APAF1: variants seen among roughly 807,000 people sequenced by gnomAD.
APAF1 encodes apoptotic peptidase activating factor 1.
In APAF1, 91 loss-of-function variants were observed where a neutral mutation model predicts 152.4. The ratio of observed to expected loss-of-function variants is 0.60; its 90% CI spans 0.50 to 0.71. The LOEUF (loss-of-function observed/expected upper bound fraction) is 0.71, where lower values mean the gene tolerates loss of function less well. Among genes scored for constraint, APAF1 ranks in the 30% least tolerant of loss-of-function variants. The pLI, the probability that APAF1 is intolerant of heterozygous loss-of-function variation, is 0.00. For missense variants in APAF1, 1,283 were observed against 1,472.0 expected (o/e 0.87, Z 2.10); for synonymous variants, 484 against 494.1 (o/e 0.98, Z 0.27).
At chr12:98,676,710 G>A (rs1399233237) in intron 12 of APAF1, among the ~76,000 whole-genome samples, 4 of 149,720 alleles carry the variant, frequency 2.7e-5, no homozygotes, top group African/African-American at 7.4e-5. Flanking sequence ...GCAGTGGCGC[G>A]ATCTTGGCTC....
At chr12:98,727,984 ATT>A (rs1565897354) in intron 26 of APAF1, among the ~76,000 whole-genome samples, 15 of 149,730 alleles carry the variant, frequency 1.0e-4, no homozygotes, top group Non-Finnish European at 1.0e-4. Context: ...TAATTAATTA[ATT>A]AAAAAAATAA....
chr12:98,717,367 C>G (rs2097736034), intron 22 of APAF1, among the ~76,000 whole-genome samples: 1 of 151,100 alleles, frequency 6.6e-6, no homozygotes, highest in African/African-American at 2.4e-5. Flanking sequence ...CACACACACA[C>G]ATATAATTTT....
intron 26 of APAF1, among the ~76,000 whole-genome samples, chr12:98,729,590 C>T (rs756501180): frequency 6.6e-6 from 1 of 152,206 alleles, no homozygotes; most frequent in Non-Finnish European, 1.5e-5. Flanking sequence ...GGGGACTCCT[C>T]TATATTGGGC....
At chr12:98,699,671 C>A in intron 17 of APAF1, 102 bp downstream of exon 17, 1 of 1,381,064 alleles carries the variant, frequency 7.2e-7, no homozygotes, top group Non-Finnish European at 1.0e-6. Flanking sequence ...TAAAGTCTAG[C>A]TGTGTGATTT....
At chr12:98,670,914 A>C in intron 10 of APAF1, 59 bp from the exon 11 acceptor site, 2 of 959,906 alleles carry the variant, frequency 2.1e-6, no homozygotes, top group Non-Finnish European at 3.4e-6. Context: ...TAATGATGTT[A>C]TACCTAAAAT....
intron 26 of APAF1, among the ~76,000 whole-genome samples, chr12:98,731,557 GTTACTA>G (rs1316891293): frequency 5.3e-5 from 8 of 152,174 alleles, no homozygotes; most frequent in Admixed American, 4.6e-4. Flanking sequence ...ACTTTTAGCA[GTTACTA>G]TTACTAATAG....
At position 98,671,004 on chromosome 12, in the gene APAF1, G is replaced by A. The variant is rs2097679439; in HGVS notation, c.1526G>A (p.Trp509Ter). Residue 509 changes from tryptophan (W) to a stop codon, truncating the protein, a stop_gained, in exon 11 of 27, where the codon TGG becomes TAG. Transcript: ENST00000551964. LOFTEE classifies it high-confidence loss of function. The stretch of plus-strand genomic sequence containing the variant: ...TGTGCTTTAATGTTTTCCCTGGATT[G>A]GATTAAAGCAAAAACAGAACTTGTA... Reference protein sequence around the residue: ...ELCALMFSLDWIKAKTELVGP... With the variant: ...ELCALMFSLD 1 of 1,612,596 alleles carries A rather than the reference G, an allele frequency of 6.2e-7. No homozygotes were observed. The highest frequency in any genetic ancestry group is 8.5e-7 in the Non-Finnish European group (1 of 1,179,384).
In APAF1 at chr12:98,645,686, G is replaced by A. The variant is rs956564671; in HGVS notation, c.-191G>A. 6.6e-6 allele frequency: 1 copy of A among 152,330 alleles called. No homozygotes were observed. The highest frequency in any genetic ancestry group is 2.4e-5 in the African/African-American group (1 of 41,466). The allele number at this position is 152,330 out of a possible 1,614,324, so 9.4% of individuals were successfully genotyped here. ...CGCCTGTGAGGCCCGGACCTGCCCC[G>A]GGGCGAAGGGTATGTGGCGAGACAG... On this transcript the variant is annotated 5_prime_UTR_variant, in exon 1 of 27. Transcript: ENST00000551964.
chr12:98,684,982 G>T (rs184902934), intron 15 of APAF1, among the ~76,000 whole-genome samples: 2 of 152,316 alleles, frequency 1.3e-5, no homozygotes, highest in Admixed American at 1.3e-4. Flanking sequence ...GTGAAAATAT[G>T]TAATTGTGAA....
chr12:98,669,044 A>G (rs2097676895), intron 10 of APAF1, among the ~76,000 whole-genome samples: 1 of 152,212 alleles, frequency 6.6e-6, no homozygotes, highest in Non-Finnish European at 1.5e-5. Flanking sequence ...GATACATAGT[A>G]AATTGTTGTA....
chr12:98,687,475 T>C (rs1424838966), intron 16 of APAF1, among the ~76,000 whole-genome samples: 1 of 152,188 alleles, frequency 6.6e-6, no homozygotes, highest in South Asian at 2.1e-4. Context: ...TTTTGAGATC[T>C]GTTTTAGTTT....
rs189262154 is a variant in APAF1 at position 98,706,665 on chromosome 12, C to T, written c.2721+55C>T. The T allele has an allele frequency of 3.4e-4, 552 of 1,603,060 alleles. 1 individual carries two copies. In the African/African-American group the frequency reaches 6.7e-3, roughly 19 times the overall value. On this transcript the variant is annotated intron_variant, in intron 19 of 26. Transcript: ENST00000551964. ...CATTTCCTGATGGTGAGCTAAACCTCCTACAAACTAAGAAATTGATGGGTA... is the reference window on the plus strand; with the variant it reads ...CATTTCCTGATGGTGAGCTAAACCTTCTACAAACTAAGAAATTGATGGGTA...
intron 16 of APAF1, among the ~76,000 whole-genome samples, chr12:98,695,826 T>C (rs1468844076): frequency 6.6e-6 from 1 of 152,100 alleles, no homozygotes; most frequent in Non-Finnish European, 1.5e-5. Flanking sequence ...CTGAGTCTTT[T>C]TGAAGGACTT....
chr12:98,706,359 A>C, intron 18 of APAF1, 126 bp from the exon 19 acceptor site: 1 of 927,218 alleles, frequency 1.1e-6, no homozygotes, highest in Non-Finnish European at 1.8e-6. Context: ...TGTAGTTTTG[A>C]TAGTGTGTTT....
chr12:98,732,934 T>C lies in APAF1; in HGVS notation c.*368T>C, dbSNP rs370287396. The C allele has an allele frequency of 7.8e-6, 2 of 256,358 alleles. No individual in the cohort carries two copies. The highest frequency in any genetic ancestry group is 2.3e-4 in the East Asian group (2 of 8,556). The allele number at this position is 256,358 out of a possible 1,614,324, so 15.9% of individuals were successfully genotyped here. A position where few individuals can be genotyped will look rare whatever the true frequency, so the allele number is the denominator to read the frequency against. ...ATACTGTCTGTATTTATTACTGTTA[T>C]GCAGGCTGTGCCTCAGGGTAGCAGT... On this transcript the variant is annotated 3_prime_UTR_variant, in exon 27 of 27. Transcript: ENST00000551964.
At chr12:98,685,790 C>T (rs2097697404) in intron 15 of APAF1, among the ~76,000 whole-genome samples, 1 of 152,094 alleles carries the variant, frequency 6.6e-6, no homozygotes, top group Admixed American at 6.6e-5. Context: ...CATGGGCCAC[C>T]ACTCCCAGCT....
At chr12:98,687,537 A>G (rs1339752479) in intron 16 of APAF1, among the ~76,000 whole-genome samples, 2 of 152,146 alleles carry the variant, frequency 1.3e-5, no homozygotes, top group African/African-American at 4.8e-5. Flanking sequence ...TGAGTAATTT[A>G]TAAAGAATGG....
rs1019483795 is a variant in APAF1 at position 98,684,758 on chromosome 12, T to C, written c.2178+1484T>C. On this transcript the variant is annotated intron_variant, in intron 15 of 26. Transcript: ENST00000551964. The stretch of plus-strand genomic sequence containing the variant: ...CCACTAAAAAAAAATAAGACTGTTA[T>C]ACTATTTACGACTAATTTTTGATGT... Among the ~76,000 whole-genome samples the C allele has an allele frequency of 4.6e-5, 7 of 152,174 alleles. No individual in the cohort carries two copies. The East Asian group carries it at 5.8e-4, about 13-fold the overall frequency.
In APAF1 at chr12:98,689,435, TGAGAGAGAGAGAGA is replaced by T. The variant is rs10562439; in HGVS notation, c.2304+2578_2304+2591del. Among the ~76,000 whole-genome samples, 1,402 of 147,430 alleles carry T rather than the reference TGAGAGAGAGAGAGA, an allele frequency of 9.5e-3. 22 individuals are homozygous for T. Among genetic ancestry groups the T allele is most frequent in the African/African-American group, 0.033 (1,319 of 39,612 alleles). On this transcript the variant is annotated intron_variant, in intron 16 of 26. Coordinates refer to ENST00000551964, the MANE Select transcript of APAF1 (RefSeq NM_181861.2). ...TTAGGCAAAGCCTTTTGTGTGAGGG[TGAGAGAGAGAGAGA>T]GAGAGAGAGAGAGAGTGTGTGTGTC...
Sources: gnomAD v4.1 joint callset for allele counts (sites outside exome capture counted in the v4.1 genomes callset) on GRCh38, gnomAD v4.1.1 for gene constraint, MANE v1.5 for transcripts, NCBI Gene and HGNC (gene_info 2026-07-23, HGNC 2026-07-21) for gene names.